The following SLC12A9 variants were observed in gnomAD, a reference collection of about 807,000 sequenced individuals.
SLC12A9 encodes the protein CCC-interacting protein 1.
Under a neutral mutation model 66.0 loss-of-function variants are expected in SLC12A9, and 55 were observed. The ratio of observed to expected loss-of-function variants is 0.83; its 90% CI spans 0.67 to 1.04. SLC12A9 has a LOEUF of 1.04. Ranked by LOEUF, SLC12A9 falls within the 50% of genes least tolerant of loss-of-function variation. The probability of loss-of-function intolerance (pLI) is 0.00; values close to 1 mark genes in which losing one functional copy is unlikely to be tolerated. For synonymous variants in SLC12A9, 577 were observed against 569.0 expected, an observed-to-expected ratio of 1.01 and a Z score of -0.20; for missense variants, 1,061 against 1,241.9, an observed-to-expected ratio of 0.85 and a Z score of 2.19.
At chr7:100,834,928 G>A (rs1161525515) in intron 1 of SLC12A9, among the ~76,000 whole-genome samples, 2 of 152,146 alleles carry the variant, frequency 1.3e-5, no homozygotes, top group African/African-American at 4.8e-5. Context: ...CTATACAGGA[G>A]GCTGAGACAG....
At chr7:100,838,199 C>T (rs1317383683) in intron 1 of SLC12A9, among the ~76,000 whole-genome samples, 1 of 152,108 alleles carries the variant, frequency 6.6e-6, no homozygotes, top group African/African-American at 2.4e-5. Flanking sequence ...GACAGTCTTG[C>T]TATGTTGCCC....
intron 1 of SLC12A9, among the ~76,000 whole-genome samples, chr7:100,853,753 G>T (rs1052343138): frequency 3.3e-5 from 5 of 151,558 alleles, no homozygotes; most frequent in Admixed American, 3.3e-4. Context: ...TTGTGAGACG[G>T]AGTCTCACTC....
At chr7:100,831,181 T>C (rs565593332) in intron 1 of SLC12A9, among the ~76,000 whole-genome samples, 15 of 152,124 alleles carry the variant, frequency 9.9e-5, no homozygotes, top group Non-Finnish European at 2.1e-4. Context: ...TTTTCTTTTG[T>C]ATTTTATTTT....
exon 1 of SLC12A9, chr7:100,826,976 C>A: frequency 6.4e-7 from 1 of 1,556,524 alleles, no homozygotes; most frequent in African/African-American, 1.4e-5. Context: ...CAAGGAAACT[C>A]ACCTTCCAAA....
intron 1 of SLC12A9, among the ~76,000 whole-genome samples, chr7:100,839,546 A>G (rs1465542604): frequency 1.3e-5 from 2 of 152,230 alleles, no homozygotes; most frequent in East Asian, 1.9e-4. Flanking sequence ...GCCGTGTGGA[A>G]CATCCCTGCG....
At chr7:100,853,963 A>T (rs1324455088) in intron 1 of SLC12A9, among the ~76,000 whole-genome samples, 193 bp from the exon 2 acceptor site, 1 of 152,128 alleles carries the variant, frequency 6.6e-6, no homozygotes, top group Non-Finnish European at 1.5e-5. Flanking sequence ...TCCTGACCTC[A>T]GGTGATCCAC....
At chr7:100,858,733 G>A in intron 5 of SLC12A9, 102 bp from the exon 6 acceptor site, 1 of 1,087,874 alleles carries the variant, frequency 9.2e-7, no homozygotes, top group Non-Finnish European at 1.4e-6. Context: ...GCAGTGCAGG[G>A]GAGGCAAGAG....
rs556281600 is a variant in SLC12A9, at chr7:100,827,500, C to A, written n.228+453C>A. ...GCGGAGCCGGGCGGGCCGGGCCGGG[C>A]AGGGGCTGAGCTGCGCTGGAACTGG... On this transcript the variant is annotated intron_variant and non_coding_transcript_variant, in intron 1 of 1. Coordinates refer to the SLC12A9 transcript ENST00000461016. The A allele has an allele frequency of 8.5e-4, 128 of 150,968 alleles. 1 individual carries two copies. The highest frequency in any genetic ancestry group is 6.8e-3 in the Middle Eastern group (2 of 292). The allele number at this position is 150,968 out of a possible 1,614,324, so 9.4% of individuals were successfully genotyped here. A position where few individuals can be genotyped will look rare whatever the true frequency, so the allele number is the denominator to read the frequency against.
upstream of SLC12A9, among the ~76,000 whole-genome samples, chr7:100,850,337 A>G (rs1344901098): frequency 2.1e-5 from 3 of 145,904 alleles, no homozygotes; most frequent in Non-Finnish European, 4.5e-5. Flanking sequence ...ATAGCTCACC[A>G]CAGCCTCCAT....
At position 100,861,058 on chromosome 7, in the gene SLC12A9, G is replaced by A; in HGVS notation, c.1219-80G>A. 1 of 1,608,956 alleles carries A rather than the reference G, an allele frequency of 6.2e-7. No individual in the cohort carries two copies. Among genetic ancestry groups the A allele is most frequent in the Non-Finnish European group, 8.5e-7 (1 of 1,177,434 alleles). ...GCTCATTGACACTTTGGGGTACACT[G>A]GCATTCTTTGGTGTTCACTGGCATT... On this transcript the variant is annotated intron_variant, in intron 9 of 13. Transcript: ENST00000354161. This position sits in a 1 kb window ranked among gnomAD's most constrained non-coding sequence, Gnocchi z 5.3.
intron 1 of SLC12A9, among the ~76,000 whole-genome samples, chr7:100,846,720 G>A (rs1352024134): frequency 2.0e-5 from 3 of 152,158 alleles, no homozygotes; most frequent in Admixed American, 1.3e-4. Flanking sequence ...TCAAAGGGGA[G>A]GAATAAAGGA....
intron 1 of SLC12A9, among the ~76,000 whole-genome samples, chr7:100,840,961 C>T (rs142189165): frequency 0.018 from 2,745 of 151,110 alleles, 41 homozygotes; most frequent in Non-Finnish European, 0.024. Context: ...CAAATGCATT[C>T]AGTCTGTAGC....
chr7:100,846,783 A>G (rs951366374), intron 1 of SLC12A9, among the ~76,000 whole-genome samples: 59 of 152,350 alleles, frequency 3.9e-4, no homozygotes, highest in African/African-American at 1.3e-3. Flanking sequence ...CAAAGAAAGA[A>G]AAAGTAAAAA....
chr7:100,865,365 A>G (rs1402140773), intron 13 of SLC12A9: 1 of 1,536,074 alleles, frequency 6.5e-7, no homozygotes, highest in East Asian at 2.4e-5. Flanking sequence ...AACAGAGTCA[A>G]ACTCGCATCC....
intron 9 of SLC12A9, chr7:100,860,609 G>T (rs572315750): frequency 8.2e-6 from 3 of 364,244 alleles, no homozygotes; most frequent in African/African-American, 6.3e-5. Flanking sequence ...CTTTGTGGGG[G>T]TTCACTGATA....
chr7:100,853,096 G>A (rs1185767933), intron 1 of SLC12A9, among the ~76,000 whole-genome samples: 1 of 152,036 alleles, frequency 6.6e-6, no homozygotes, highest in Non-Finnish European at 1.5e-5. Context: ...AAGGCGAGGA[G>A]GAGGGGGTTT....
intron 12 of SLC12A9, among the ~76,000 whole-genome samples, chr7:100,862,176 C>T (rs1314952236): frequency 3.3e-5 from 5 of 151,998 alleles, no homozygotes; most frequent in African/African-American, 9.7e-5. Context: ...AAGCTAGTCT[C>T]GAACTCCTGA....
chr7:100,866,421 G>C lies in SLC12A9; in HGVS notation c.2561G>C (p.Gly854Ala). The change falls in exon 14 of 14, where the codon GGT becomes GCT. Residue 854 changes from glycine to alanine, a missense_variant. Transcript: ENST00000354161. This position sits in a 1 kb window ranked among gnomAD's most constrained non-coding sequence, Gnocchi z 7.3. ...GGGCGCGGCACAGGAGGAGGGCCGG[G>C]TGGGCCGGAGGGTGGGGATGCTGAG... is the stretch of plus-strand genomic sequence containing the variant. ...QQGRGTGGGP[G>A]GPEGGDAEGP... is the part of the protein sequence containing the mutation. 1 of 1,546,024 alleles carries C rather than the reference G, an allele frequency of 6.5e-7. No individual in the cohort carries two copies. Among genetic ancestry groups the C allele is most frequent in the Non-Finnish European group, 8.7e-7 (1 of 1,144,630 alleles).
intron 1 of SLC12A9, chr7:100,827,335 CG>C: frequency 6.6e-6 from 1 of 151,600 alleles, no homozygotes; most frequent in Non-Finnish European, 1.5e-5. Flanking sequence ...CCCCGGGTGG[CG>C]GGGGCTGAGC....
Sources: gnomAD v4.1 joint callset for allele counts (sites outside exome capture counted in the v4.1 genomes callset) on GRCh38, gnomAD v4.1.1 for gene constraint, Gnocchi (gnomAD v3.1) non-coding constraint, MANE v1.5 for transcripts, NCBI Gene and HGNC (gene_info 2026-07-23, HGNC 2026-07-21) for gene names.